SPIDR: variants seen among roughly 807,000 people sequenced by gnomAD.
SPIDR encodes scaffold protein involved in DNA repair.
Under a neutral mutation model 104.6 loss-of-function variants are expected in SPIDR, and 93 were observed. The observed-to-expected ratio is 0.89, with a 90% confidence interval of 0.75 to 1.06. The LOEUF (loss-of-function observed/expected upper bound fraction) is 1.06, where lower values mean the gene tolerates loss of function less well. Ranked by LOEUF, SPIDR falls within the 50% of genes least tolerant of loss-of-function variation. The pLI is 0.00. For synonymous variants in SPIDR, 431 were observed against 416.9 expected (o/e 1.03, Z -0.41); for missense variants, 1,154 against 1,111.2 (o/e 1.04, Z -0.55).
chr8:47,335,640 G>A (rs1014236919), intron 5 of SPIDR, among the ~76,000 whole-genome samples: 3 of 152,068 alleles, frequency 2.0e-5, no homozygotes, highest in East Asian at 1.9e-4. Flanking sequence ...TAGTAAAGAC[G>A]GGGTTTTGCC....
chr8:47,574,619 A>T (rs538716502), intron 8 of SPIDR, among the ~76,000 whole-genome samples: 29 of 152,162 alleles, frequency 1.9e-4, no homozygotes, highest in Admixed American at 1.3e-4. Flanking sequence ...TAAAAATAAA[A>T]AAAAATAAAA....
chr8:47,350,695 G>A (rs782572692), intron 5 of SPIDR, among the ~76,000 whole-genome samples: 1 of 152,172 alleles, frequency 6.6e-6, no homozygotes, highest in Non-Finnish European at 1.5e-5. Context: ...TTTCCTAGCT[G>A]TTGACCACAG....
At chr8:47,633,967 G>A (rs189705200) in intron 10 of SPIDR, among the ~76,000 whole-genome samples, 62 of 152,112 alleles carry the variant, frequency 4.1e-4, no homozygotes, top group Non-Finnish European at 5.4e-4. Flanking sequence ...GGTGGTGCAT[G>A]CCAATAGTCC....
chr8:47,450,410 T>C (rs2071488338), intron 8 of SPIDR, among the ~76,000 whole-genome samples: 1 of 152,142 alleles, frequency 6.6e-6, no homozygotes, highest in Admixed American at 6.5e-5. Flanking sequence ...CATAATTTAT[T>C]AGGTCCCACC....
intron 10 of SPIDR, among the ~76,000 whole-genome samples, chr8:47,669,725 G>A (rs1363690137): frequency 6.6e-6 from 1 of 152,156 alleles, no homozygotes; most frequent in East Asian, 1.9e-4. Flanking sequence ...ACACAGGCCG[G>A]GCACAGTGAC....
At chr8:47,415,965 G>A (rs1324375750) in intron 7 of SPIDR, among the ~76,000 whole-genome samples, 1 of 152,160 alleles carries the variant, frequency 6.6e-6, no homozygotes, top group Non-Finnish European at 1.5e-5. Context: ...TCCATAGTTT[G>A]TTATCTAAAA....
chr8:47,732,421 G>A (rs1457571364), intron 19 of SPIDR: 2 of 558,060 alleles, frequency 3.6e-6, no homozygotes, highest in Non-Finnish European at 6.4e-6. Flanking sequence ...ATGTGTGTAT[G>A]TGTGTGCATT....
intron 7 of SPIDR, among the ~76,000 whole-genome samples, chr8:47,425,043 A>G (rs926265965): frequency 1.3e-5 from 2 of 152,254 alleles, no homozygotes; most frequent in Non-Finnish European, 2.9e-5. Context: ...AGCTAATTTA[A>G]AAAAATGATT....
chr8:47,384,707 C>T (rs1588007989), intron 5 of SPIDR, among the ~76,000 whole-genome samples: 2 of 152,204 alleles, frequency 1.3e-5, no homozygotes, highest in African/African-American at 4.8e-5. Context: ...ACACCCCTGC[C>T]GTCCTCTCCT....
At chr8:47,592,592 CG>C in intron 8 of SPIDR, 3 of 1,234,356 alleles carry the variant, frequency 2.4e-6, no homozygotes, top group Non-Finnish European at 3.5e-6. Flanking sequence ...GATGATCCTG[CG>C]GGGCAGCCCT....
intron 10 of SPIDR, among the ~76,000 whole-genome samples, chr8:47,610,057 C>T (rs1422770587): frequency 6.6e-6 from 1 of 152,132 alleles, no homozygotes; most frequent in African/African-American, 2.4e-5. Flanking sequence ...GGTGATTTTC[C>T]AGCACCTGTC....
chr8:47,653,190 C>T (rs901205085), intron 10 of SPIDR, among the ~76,000 whole-genome samples: 11 of 152,152 alleles, frequency 7.2e-5, no homozygotes, highest in South Asian at 2.1e-4. Context: ...GTGACTCTTG[C>T]GTGGGCCAAC....
rs1276347063 is a variant in SPIDR, at chr8:47,435,353, T to G, written c.878-4970T>G. ...GTGTGTGTGTGTGTGTGTGTGTGTG[T>G]GGCCTCTTGGTTGTTTAAAACAAAA... On this transcript the variant is annotated intron_variant, in intron 7 of 19. Coordinates refer to ENST00000297423, the MANE Select transcript of SPIDR (RefSeq NM_001080394.4). Among the ~76,000 whole-genome samples the G allele has an allele frequency of 5.9e-5, 9 of 151,942 alleles. No homozygotes were observed. The East Asian group carries it at 1.7e-3, about 29-fold the overall frequency.
intron 5 of SPIDR, among the ~76,000 whole-genome samples, chr8:47,357,611 G>A (rs1454224963): frequency 6.6e-6 from 1 of 152,184 alleles, no homozygotes; most frequent in Non-Finnish European, 1.5e-5. Context: ...GAGCAAGGTA[G>A]CATTTATTTT....
At position 47,447,655 on chromosome 8, in the gene SPIDR, A is replaced by G. The variant is rs201847600; in HGVS notation, c.1097+7113A>G. ...TTTGAGAGGATTTACTGCAATTCTG[A>G]AAGAAGTTCCAGTAATGCCATCAAA... On this transcript the variant is annotated intron_variant, in intron 8 of 19. Transcript: ENST00000297423. 2.2e-4 allele frequency among the ~76,000 whole-genome samples: 33 copies of G among 152,344 alleles called. No homozygotes were observed. In the East Asian group the frequency reaches 5.8e-3, roughly 27 times the overall value.
At chr8:47,685,493 A>ATTATTTTTTTT (rs2077637088) in intron 11 of SPIDR, among the ~76,000 whole-genome samples, 1 of 114,262 alleles carries the variant, frequency 8.8e-6, no homozygotes, top group African/African-American at 2.7e-5. Flanking sequence ...TTATTTATTT[A>ATTATTTTTTTT]TTTATTTATT....
chr8:47,569,404 G>GT (rs1163833669), intron 8 of SPIDR, among the ~76,000 whole-genome samples: 1 of 152,150 alleles, frequency 6.6e-6, no homozygotes, highest in Non-Finnish European at 1.5e-5. Context: ...GAACAACACT[G>GT]TAAAGCAATT....
chr8:47,663,319 G>T (rs1351909446), intron 10 of SPIDR, among the ~76,000 whole-genome samples: 1 of 152,204 alleles, frequency 6.6e-6, no homozygotes, highest in African/African-American at 2.4e-5. Context: ...ACAGTCTGTA[G>T]TTGCACACTT....
chr8:47,321,606 T>C (rs2046605876), intron 5 of SPIDR, among the ~76,000 whole-genome samples: 1 of 152,092 alleles, frequency 6.6e-6, no homozygotes, highest in African/African-American at 2.4e-5. Flanking sequence ...TTAAAGTTCA[T>C]ATGGAACCAA....
Sources: gnomAD v4.1 joint callset for allele counts (sites outside exome capture counted in the v4.1 genomes callset) on GRCh38, gnomAD v4.1.1 for gene constraint, MANE v1.5 for transcripts, NCBI Gene and HGNC (gene_info 2026-07-23, HGNC 2026-07-21) for gene names.